The following TIAM1 variants were observed in gnomAD, a reference collection of about 807,000 sequenced individuals.
TIAM1 encodes the protein TIAM Rac1 associated GEF 1.
A neutral mutation model predicts 163.5 loss-of-function variants in TIAM1; 65 were observed. That is an observed-to-expected ratio of 0.40 (90% confidence interval 0.33 to 0.49). The LOEUF (loss-of-function observed/expected upper bound fraction) is 0.49. TIAM1 is among the 20% of genes least tolerant of loss of function. The pLI is 0.77. For missense variants in TIAM1, 1,789 were observed against 2,044.7 expected (o/e 0.87, Z 2.41); for synonymous variants, 833 against 810.1 (o/e 1.03, Z -0.48).
At chr21:31,456,578 T>C (rs2045111039) in intron 2 of TIAM1, among the ~76,000 whole-genome samples, 1 of 152,210 alleles carries the variant, frequency 6.6e-6, no homozygotes, top group African/African-American at 2.4e-5. Flanking sequence ...CAAAGAGGTT[T>C]GTGATGTGCT....
intron 10 of TIAM1, chr21:31,212,794 G>C (rs2086954939): frequency 6.7e-6 from 1 of 149,478 alleles, no homozygotes; most frequent in African/African-American, 2.5e-5. Flanking sequence ...ATTTTTAGTA[G>C]AGACGGGGTT....
At chr21:31,405,156 G>C (rs940445492) in intron 2 of TIAM1, among the ~76,000 whole-genome samples, 1 of 152,168 alleles carries the variant, frequency 6.6e-6, no homozygotes, top group Non-Finnish European at 1.5e-5. Context: ...CTAAAGGCAG[G>C]AGGATCACTT....
chr21:31,263,171 T>C (rs1476554057), intron 4 of TIAM1, among the ~76,000 whole-genome samples: 2 of 151,768 alleles, frequency 1.3e-5, no homozygotes, highest in Non-Finnish European at 2.9e-5. Flanking sequence ...AATACAAAAA[T>C]AATACTTCCG....
chr21:31,146,986 C>A lies in TIAM1; in HGVS notation c.3384G>T (p.Leu1128=), dbSNP rs1301181332. The change falls in exon 20 of 28, where the codon CTG becomes CTT. Residue 1128 remains leucine (L), a synonymous_variant. Transcript: ENST00000541036. ...VDQFKKVLFS[L]GGSFLYYADR... The stretch of plus-strand genomic sequence containing the variant: ...CAGCATAATACAGGAATGATCCCCC[C>A]AGAGAGAACAGCACTTTCTGGATTT... 1.2e-6 allele frequency: 2 copies of A among 1,613,904 alleles called. No homozygotes were observed. The highest frequency in any genetic ancestry group is 2.2e-5 in the East Asian group (1 of 44,858).
At chr21:31,160,599 T>C in intron 16 of TIAM1, 1 of 398,470 alleles carries the variant, frequency 2.5e-6, no homozygotes, top group Non-Finnish European at 4.4e-6. Context: ...GACAGAAGTT[T>C]CTTAAAATAT....
intron 1 of TIAM1, among the ~76,000 whole-genome samples, chr21:31,501,551 T>A (rs2046848982): frequency 6.6e-6 from 1 of 152,080 alleles, no homozygotes; most frequent in Non-Finnish European, 1.5e-5. Context: ...AAAACTGGTA[T>A]TTCTCACTGG....
At chr21:31,444,709 A>C (rs1328382780) in intron 2 of TIAM1, among the ~76,000 whole-genome samples, 1 of 152,222 alleles carries the variant, frequency 6.6e-6, no homozygotes, top group African/African-American at 2.4e-5. Flanking sequence ...TTCTAAGAAG[A>C]GAACGCAGGC....
At chr21:31,411,185 G>A (rs1283070680) in intron 2 of TIAM1, among the ~76,000 whole-genome samples, 1 of 152,138 alleles carries the variant, frequency 6.6e-6, no homozygotes, top group Admixed American at 6.5e-5. Flanking sequence ...TAATCCAAGG[G>A]CAAAGAGGAG....
intron 4 of TIAM1, among the ~76,000 whole-genome samples, chr21:31,262,827 CT>C (rs891807752): frequency 6.6e-6 from 1 of 152,146 alleles, no homozygotes; most frequent in Non-Finnish European, 1.5e-5. Context: ...AGTAAAATTG[CT>C]GACAGGATGA....
chr21:31,236,952 G>A (rs1444870530), intron 6 of TIAM1, among the ~76,000 whole-genome samples: 1 of 152,234 alleles, frequency 6.6e-6, no homozygotes, highest in Non-Finnish European at 1.5e-5. Context: ...TATTTAAAAG[G>A]TGATGAGTAA....
intron 1 of TIAM1, among the ~76,000 whole-genome samples, chr21:31,480,338 A>G (rs749108038): frequency 1.3e-5 from 2 of 152,180 alleles, no homozygotes; most frequent in African/African-American, 2.4e-5. Context: ...TTGCTACTCA[A>G]TGACATCCAC....
intron 2 of TIAM1, among the ~76,000 whole-genome samples, chr21:31,338,239 G>A (rs371799357): frequency 5.9e-5 from 9 of 152,196 alleles, no homozygotes; most frequent in African/African-American, 1.9e-4. Context: ...AGCAGGACCC[G>A]GAATGCAGGG....
chr21:31,399,432 T>C, intron 2 of TIAM1, among the ~76,000 whole-genome samples: 1 of 152,162 alleles, frequency 6.6e-6, no homozygotes, highest in East Asian at 1.9e-4. Context: ...TACAATACAT[T>C]ATTGCTTTAA....
At chr21:31,195,496 T>C (rs542788358) in intron 12 of TIAM1, among the ~76,000 whole-genome samples, 191 bp from the exon 13 acceptor site, 1 of 152,352 alleles carries the variant, frequency 6.6e-6, no homozygotes, top group South Asian at 2.1e-4. Flanking sequence ...TCCTCAAACA[T>C]AGCCACAGTT....
At chr21:31,356,069 A>G (rs1305045005) in intron 2 of TIAM1, among the ~76,000 whole-genome samples, 1 of 152,188 alleles carries the variant, frequency 6.6e-6, no homozygotes, top group Non-Finnish European at 1.5e-5. Flanking sequence ...CCGAGATGAT[A>G]ATTCAAGACA....
chr21:31,322,065 A>C (rs971734364), intron 2 of TIAM1, among the ~76,000 whole-genome samples: 1 of 152,160 alleles, frequency 6.6e-6, no homozygotes, highest in Non-Finnish European at 1.5e-5. Flanking sequence ...AAACAAAAAA[A>C]CCAACTCAGC....
intron 4 of TIAM1, among the ~76,000 whole-genome samples, chr21:31,261,903 G>C (rs768126654): frequency 7.9e-5 from 12 of 152,120 alleles, no homozygotes; most frequent in Non-Finnish European, 1.5e-4. Flanking sequence ...GGTTCCCAGA[G>C]ACATGCTCAG....
intron 1 of TIAM1, among the ~76,000 whole-genome samples, chr21:31,492,078 G>A (rs530130268): frequency 1.8e-4 from 27 of 152,102 alleles, no homozygotes; most frequent in Non-Finnish European, 3.4e-4. Context: ...GTGTATATAT[G>A]TATGTATATG....
At chr21:31,297,407 T>G (rs985908543) in intron 2 of TIAM1, among the ~76,000 whole-genome samples, 2 of 152,138 alleles carry the variant, frequency 1.3e-5, no homozygotes, top group Non-Finnish European at 1.5e-5. Context: ...GAACGTACTT[T>G]CCTTTGAGAC....
Sources: allele counts gnomAD v4.1 joint callset (sites outside exome capture counted in the v4.1 genomes callset), GRCh38; gene constraint gnomAD v4.1.1; transcripts MANE v1.5; gene names NCBI Gene and HGNC (gene_info 2026-07-23, HGNC 2026-07-21).